PCNX2: variants seen among roughly 807,000 people sequenced by gnomAD.
PCNX2 encodes pecanex-like protein 2.
PCNX2 carries 168 observed loss-of-function variants against 223.8 expected under a neutral mutation model. The ratio of observed to expected loss-of-function variants is 0.75; its 90% confidence interval spans 0.66 to 0.85. PCNX2 has a LOEUF of 0.85. Among genes scored for constraint, PCNX2 ranks in the 40% least tolerant of loss-of-function variants. PCNX2 has a pLI of 0.00. For synonymous variants in PCNX2, 1,006 were observed against 1,052.6 expected (o/e 0.96, Z 0.86); for missense variants, 2,507 against 2,675.5 (o/e 0.94, Z 1.39).
chr1:233,043,357 C>T (rs964058214), intron 25 of PCNX2, among the ~76,000 whole-genome samples: 1 of 152,112 alleles, frequency 6.6e-6, no homozygotes, highest in Non-Finnish European at 1.5e-5. Flanking sequence ...AACTTGATGG[C>T]CCCCATTGGC....
rs1659406517 is a variant in PCNX2, at chr1:233,250,815, A to G, written c.2146T>C (p.Tyr716His). 1 of 1,593,118 alleles carries G rather than the reference A, an allele frequency of 6.3e-7. No homozygotes were observed. The highest frequency in any genetic ancestry group is 1.3e-5 in the African/African-American group (1 of 74,744). ...TCTTTCTGATTTCCAGATTTTAAAT[A>G]ACAGGATCTAATTTCCCCTGTAAAA... ...IDEHGEIRSCYLKSGNQKEGP... is the reference protein window; with the variant it reads ...IDEHGEIRSCHLKSGNQKEGP... Residue 716 changes from tyrosine to histidine, a missense_variant, in exon 8 of 34, where the codon TAT becomes CAT. Tyr to His is a moderately conservative substitution (Grantham distance 83). This residue lies in a region of PCNX2 where 1,031 missense variants were observed against 1,021.7 expected (regional missense o/e 1.01). Transcript: ENST00000258229.
At chr1:233,224,144 T>C (rs1331501989) in intron 10 of PCNX2, among the ~76,000 whole-genome samples, 2 of 152,204 alleles carry the variant, frequency 1.3e-5, no homozygotes, top group Non-Finnish European at 2.9e-5. Context: ...ATTTGTTGAA[T>C]GAATGAAATG....
At chr1:233,239,158 G>A (rs886574972) in intron 8 of PCNX2, among the ~76,000 whole-genome samples, 6 of 152,170 alleles carry the variant, frequency 3.9e-5, no homozygotes, top group Non-Finnish European at 7.4e-5. Flanking sequence ...CTACATTGTA[G>A]GTAAGGTAGG....
chr1:233,255,671 G>C (rs192601856), intron 5 of PCNX2, among the ~76,000 whole-genome samples: 37 of 152,248 alleles, frequency 2.4e-4, no homozygotes, highest in Non-Finnish European at 4.7e-4. Context: ...AAGAGAACCT[G>C]GGCTGGAAAT....
intron 23 of PCNX2, among the ~76,000 whole-genome samples, chr1:233,087,929 C>T (rs140830725): frequency 6.6e-6 from 1 of 152,140 alleles, no homozygotes; most frequent in Non-Finnish European, 1.5e-5. Flanking sequence ...ATACAGGGAA[C>T]CTAGTGCTAA....
chr1:233,246,560 T>C (rs767832402), intron 8 of PCNX2, among the ~76,000 whole-genome samples: 1 of 152,186 alleles, frequency 6.6e-6, no homozygotes, highest in African/African-American at 2.4e-5. Context: ...TAATTTAACA[T>C]TTAGCTTAGT....
At chr1:233,233,424 CTGTGTGTGTGTGTGTGTGTGTGTGTGTG>C (rs57458756) in intron 9 of PCNX2, among the ~76,000 whole-genome samples, 1 of 140,242 alleles carries the variant, frequency 7.1e-6, no homozygotes, top group Non-Finnish European at 1.5e-5. Context: ...TCCTCTTCTC[CTGTGTGTGTGTGTGTGTGTGTGTGTGTG>C]TGTGTGTGTG....
chr1:233,280,298 CT>C (rs34738587), intron 1 of PCNX2, among the ~76,000 whole-genome samples: 59,448 of 115,508 alleles, frequency 0.51, 12,751 homozygotes, highest in East Asian at 0.72. Flanking sequence ...TCCATATTAC[CT>C]TTTTTTTTTT....
intron 1 of PCNX2, among the ~76,000 whole-genome samples, chr1:233,288,281 G>A (rs1661558550): frequency 6.6e-6 from 1 of 152,156 alleles, no homozygotes; most frequent in Admixed American, 6.5e-5. Context: ...GGGTATTAAA[G>A]TATTAGACAT....
chr1:233,094,756 G>A (rs537572948), intron 22 of PCNX2, among the ~76,000 whole-genome samples: 3 of 152,286 alleles, frequency 2.0e-5, no homozygotes, highest in African/African-American at 7.2e-5. Flanking sequence ...ATTCAAGTTA[G>A]CTAACAGCAG....
intron 1 of PCNX2, among the ~76,000 whole-genome samples, chr1:233,269,532 C>T (rs900206994): frequency 2.6e-5 from 4 of 152,164 alleles, no homozygotes; most frequent in African/African-American, 9.7e-5. Context: ...ACTACAATAG[C>T]ATAATATCTA....
chr1:233,226,185 T>G (rs770362171), intron 10 of PCNX2, among the ~76,000 whole-genome samples: 5 of 152,184 alleles, frequency 3.3e-5, no homozygotes, highest in African/African-American at 4.8e-5. Context: ...CTGAACATCA[T>G]AAACTGTTAT....
chr1:232,996,005 CCACCACCA>C (rs1669862386), intron 32 of PCNX2, among the ~76,000 whole-genome samples: 1 of 152,068 alleles, frequency 6.6e-6, no homozygotes, highest in Non-Finnish European at 1.5e-5. Flanking sequence ...TTACAAGCAC[CCACCACCA>C]CACCTGGCTA....
chr1:233,284,002 T>C (rs1270196380), intron 1 of PCNX2, among the ~76,000 whole-genome samples: 1 of 152,198 alleles, frequency 6.6e-6, no homozygotes, highest in African/African-American at 2.4e-5. Flanking sequence ...TCTGATATGA[T>C]GGATGACAAG....
In PCNX2 at chr1:233,179,086, G is replaced by T. The variant is rs748175115; in HGVS notation, c.3156C>A (p.Ser1052Arg). Residue 1052 changes from serine to arginine, a missense_variant, in exon 16 of 34, where the codon AGC (serine) becomes AGA (arginine). Physicochemically the swap from Ser to Arg is moderately radical, Grantham distance 110 (BLOSUM62 -1). Around this residue, in one of 3 missense-constraint regions of PCNX2, gnomAD observed 1,372 missense variants for 1,509.4 expected, o/e 0.91. Transcript: ENST00000258229. ...VALSYHLSRQ[S>R]SDPSVLMSFI... Reference sequence around the variant, plus strand: ...CTCACATGAGTACAGATGGGTCACTGCTCTGACGGCTCAGATGGTAAGAAA... The same window carrying T: ...CTCACATGAGTACAGATGGGTCACTTCTCTGACGGCTCAGATGGTAAGAAA... 10 of 1,613,760 alleles carry T rather than the reference G, an allele frequency of 6.2e-6. No homozygotes were observed. In the South Asian group the frequency reaches 1.1e-4, roughly 18 times the overall value.
intron 1 of PCNX2, chr1:233,289,377 G>A (rs1661628525): frequency 7.8e-7 from 1 of 1,287,838 alleles, no homozygotes; most frequent in Non-Finnish European, 1.1e-6. Flanking sequence ...AAGAGCCTGG[G>A]AGATGCGGGA....
chr1:233,119,244 T>C (rs1375469136), intron 21 of PCNX2, among the ~76,000 whole-genome samples: 1 of 151,152 alleles, frequency 6.6e-6, no homozygotes, highest in Non-Finnish European at 1.5e-5. Flanking sequence ...GACTTAAGTA[T>C]AAAACGAAAA....
chr1:233,277,828 T>C (rs1660993616), intron 1 of PCNX2, among the ~76,000 whole-genome samples: 1 of 152,002 alleles, frequency 6.6e-6, no homozygotes, highest in South Asian at 2.1e-4. Context: ...AAGGAGATGA[T>C]GAAATATAGA....
At chr1:233,241,726 G>A (rs1393110587) in intron 8 of PCNX2, among the ~76,000 whole-genome samples, 4 of 152,080 alleles carry the variant, frequency 2.6e-5, no homozygotes, top group East Asian at 3.8e-4. Context: ...AATAAAAGAC[G>A]AAATTTCTAA....
Sources: gnomAD v4.1 joint callset for allele counts (sites outside exome capture counted in the v4.1 genomes callset) on GRCh38, gnomAD v4.1.1 for gene constraint, gnomAD v4.1.1 regional missense constraint, MANE v1.5 for transcripts, NCBI Gene and HGNC (gene_info 2026-07-23, HGNC 2026-07-21) for gene names.